ST3GAL4: variants seen among roughly 807,000 people sequenced by gnomAD.
ST3GAL4 encodes CMP-N-acetylneuraminate-beta-galactosamide-alpha-2,3-sialyltransferase 4.
In ST3GAL4, 24 loss-of-function variants were observed where a neutral mutation model predicts 42.6. The observed-to-expected ratio is 0.56, with a 90% CI of 0.41 to 0.79. The LOEUF (loss-of-function observed/expected upper bound fraction) is 0.79. ST3GAL4 is among the 30% of genes least tolerant of loss of function. The pLI, the probability that ST3GAL4 is intolerant of heterozygous loss-of-function variation, is 0.00. For missense variants in ST3GAL4, 311 were observed against 430.8 expected, an observed-to-expected ratio of 0.72 and a Z score of 2.46; for synonymous variants, 135 against 163.2, an observed-to-expected ratio of 0.83 and a Z score of 1.32.
In ST3GAL4 at chr11:126,383,623, G is replaced by A. The variant is rs1449635771; in HGVS notation, c.-60-22473G>A. 1.3e-5 allele frequency among the ~76,000 whole-genome samples: 2 copies of A among 152,178 alleles called. No individual in the cohort carries two copies. Among genetic ancestry groups the A allele is most frequent in the South Asian group, 2.1e-4 (1 of 4,832 alleles). ...TGTGACCAAGCTTGCGGGCGCCTGAGTATGGACTAGTGTGTTTGTGCTGGA... is the reference window on the plus strand; with the variant it reads ...TGTGACCAAGCTTGCGGGCGCCTGAATATGGACTAGTGTGTTTGTGCTGGA... On this transcript the variant is annotated intron_variant, in intron 1 of 10. Coordinates refer to ENST00000444328, the MANE Select transcript of ST3GAL4 (RefSeq NM_001254757.2). This position sits in a 1 kb window ranked among gnomAD's most constrained non-coding sequence, Gnocchi z 4.5.
In ST3GAL4 at chr11:126,398,543, G is replaced by A. The variant is rs1048673071; in HGVS notation, c.-60-7553G>A. 6.6e-6 allele frequency among the ~76,000 whole-genome samples: 1 copy of A among 152,198 alleles called. No homozygotes were observed. Among genetic ancestry groups the A allele is most frequent in the African/African-American group, 2.4e-5 (1 of 41,442 alleles). ...ACACTGGTAGCTCTGCAGTTCTGGG[G>A]TGTCAGGATGGCCTTACTCCCACAG... On this transcript the variant is annotated intron_variant, in intron 1 of 10. Coordinates refer to ENST00000444328, the MANE Select transcript of ST3GAL4 (RefSeq NM_001254757.2). The surrounding 1 kb of genome is among the most constrained non-coding windows in gnomAD (Gnocchi z 4.7).
chr11:126,368,797 C>T (rs534394668), intron 1 of ST3GAL4, among the ~76,000 whole-genome samples: 14 of 152,360 alleles, frequency 9.2e-5, no homozygotes, highest in Non-Finnish European at 1.9e-4. Flanking sequence ...GGCCTTTGCA[C>T]GCTCAGATCT....
chr11:126,386,096 C>A lies in ST3GAL4; in HGVS notation c.-60-20000C>A, dbSNP rs534754497. On this transcript the variant is annotated intron_variant, in intron 1 of 10. Coordinates refer to ENST00000444328, the MANE Select transcript of ST3GAL4 (RefSeq NM_001254757.2). This position sits in a 1 kb window ranked among gnomAD's most constrained non-coding sequence, Gnocchi z 4.7. ...CAGTCTGGAACCTTCTCTTGCCTAC[C>A]CCATCTTCCCATGGCTGCCCTTCAT... Among the ~76,000 whole-genome samples the A allele has an allele frequency of 2.0e-5, 3 of 152,292 alleles. No homozygotes were observed. The highest frequency in any genetic ancestry group is 7.2e-5 in the African/African-American group (3 of 41,562).
chr11:126,407,556 G>A lies in ST3GAL4; in HGVS notation c.281-18G>A, dbSNP rs748387666. 6 of 1,614,062 alleles carry A rather than the reference G, an allele frequency of 3.7e-6. No homozygotes were observed. The highest frequency in any genetic ancestry group is 2.2e-5 in the South Asian group (2 of 91,090). The stretch of plus-strand genomic sequence containing the variant: ...TGCTATCTGTCACATCAGTCCCTCC[G>A]CCTGGTACTTTTTGTAGAGGATCTG... On this transcript the variant is annotated intron_variant, in intron 5 of 10. Coordinates refer to ENST00000444328, the MANE Select transcript of ST3GAL4 (RefSeq NM_001254757.2).
At position 126,391,338 on chromosome 11, in the gene ST3GAL4, T is replaced by C. The variant is rs1369494382; in HGVS notation, c.-60-14758T>C. On this transcript the variant is annotated intron_variant, in intron 1 of 10. Transcript: ENST00000444328. The surrounding 1 kb of genome is among the most constrained non-coding windows in gnomAD (Gnocchi z 5.5). ...TTGATTGCATGCATTATGCCTGACT[T>C]GCTCAAAGCATGATGTCTTGAGCAC... Among the ~76,000 whole-genome samples, 6 of 152,184 alleles carry C rather than the reference T, an allele frequency of 3.9e-5. No individual in the cohort carries two copies. In the East Asian group the frequency reaches 9.6e-4, roughly 24 times the overall value.
intron 1 of ST3GAL4, among the ~76,000 whole-genome samples, chr11:126,370,970 C>T (rs1312405991): frequency 2.0e-5 from 3 of 151,038 alleles, no homozygotes; most frequent in Admixed American, 6.6e-5. Context: ...GCCTGGCCCT[C>T]GTTCTTTTTT....
chr11:126,383,981 C>T lies in ST3GAL4; in HGVS notation c.-60-22115C>T, dbSNP rs1953115570. ...TGGAGGGCTTGCTTTTCCTGCCCAC[C>T]CTCATCTTTGCCGAGTCCTCGTCTG... On this transcript the variant is annotated intron_variant, in intron 1 of 10. Coordinates refer to ENST00000444328, the MANE Select transcript of ST3GAL4 (RefSeq NM_001254757.2). This position sits in a 1 kb window ranked among gnomAD's most constrained non-coding sequence, Gnocchi z 4.5. Among the ~76,000 whole-genome samples, 3 of 152,136 alleles carry T rather than the reference C, an allele frequency of 2.0e-5. No individual in the cohort carries two copies. In the South Asian group the frequency reaches 6.2e-4, roughly 31 times the overall value.
At chr11:126,401,602 C>CAGCAG (rs986457083) in intron 1 of ST3GAL4, among the ~76,000 whole-genome samples, 1 of 144,286 alleles carries the variant, frequency 6.9e-6, no homozygotes, top group Non-Finnish European at 1.6e-5. Flanking sequence ...TGGGCCCCGG[C>CAGCAG]AGCAGAGCCT....
rs1954625250 is a variant in ST3GAL4, at chr11:126,413,639, G to A, written c.906G>A (p.Lys302=). ...TIHYYEQITL[K]SMAGSGHNVS... is the part of the protein sequence containing the mutation. ...ACTACTATGAGCAGATCACGCTCAA[G>A]TCCATGGCGGTAAGTGCCTGGCTTG... Residue 302 remains lysine (K), a synonymous_variant, in exon 10 of 11, where the codon AAG becomes AAA. Coordinates refer to ENST00000444328, the MANE Select transcript of ST3GAL4 (RefSeq NM_001254757.2). The A allele has an allele frequency of 6.2e-7, 1 of 1,614,196 alleles. No individual in the cohort carries two copies. Among genetic ancestry groups the A allele is most frequent in the African/African-American group, 1.3e-5 (1 of 75,068 alleles).
chr11:126,366,186 C>A lies in ST3GAL4; in HGVS notation c.-61+10344C>A, dbSNP rs542933860. ...TGCAAGCTGACAAACAAAGTCTATA[C>A]GAGCCAGAGCTGGGGTGGGAGGAAC... is the stretch of plus-strand genomic sequence containing the variant. On this transcript the variant is annotated intron_variant, in intron 1 of 10. Transcript: ENST00000444328. The surrounding 1 kb of genome is among the most constrained non-coding windows in gnomAD (Gnocchi z 4.2). Among the ~76,000 whole-genome samples, 1 of 152,156 alleles carries A rather than the reference C, an allele frequency of 6.6e-6. No individual in the cohort carries two copies. Among genetic ancestry groups the A allele is most frequent in the Non-Finnish European group, 1.5e-5 (1 of 68,030 alleles).
At position 126,396,285 on chromosome 11, in the gene ST3GAL4, A is replaced by G. The variant is rs903069927; in HGVS notation, c.-60-9811A>G. Among the ~76,000 whole-genome samples the G allele has an allele frequency of 7.2e-5, 11 of 152,022 alleles. No individual in the cohort carries two copies. Among genetic ancestry groups the G allele is most frequent in the Non-Finnish European group, 1.6e-4 (11 of 68,024 alleles). On this transcript the variant is annotated intron_variant, in intron 1 of 10. Transcript: ENST00000444328. This position sits in a 1 kb window ranked among gnomAD's most constrained non-coding sequence, Gnocchi z 5.8. ...CCTGGACAGGCTGTGGAATGTGTGG[A>G]AGCAGGTACAGCCCAGGCCCGCGCT...
intron 8 of ST3GAL4, chr11:126,408,697 A>C: frequency 3.2e-6 from 2 of 620,364 alleles, no homozygotes; most frequent in Non-Finnish European, 5.5e-6. Flanking sequence ...CTGGGTATAA[A>C]AGCCTGCAGG....
At chr11:126,405,955 C>A in intron 1 of ST3GAL4, 141 bp from the exon 2 acceptor site, 3 of 1,004,382 alleles carry the variant, frequency 3.0e-6, no homozygotes, top group South Asian at 1.6e-5. Flanking sequence ...TGAGAAAACT[C>A]ACCCTCAGGA....
chr11:126,407,701 C>A (rs890796451), intron 6 of ST3GAL4, 67 bp downstream of exon 6: 4 of 1,455,832 alleles, frequency 2.7e-6, no homozygotes, highest in South Asian at 1.2e-5. Flanking sequence ...CCGCTCCCCC[C>A]ACTCCCCACC....
chr11:126,380,791 A>G (rs1952967692), intron 1 of ST3GAL4, among the ~76,000 whole-genome samples: 1 of 152,166 alleles, frequency 6.6e-6, no homozygotes. Context: ...TGCCGCATGG[A>G]GCTTCCCTGA....
Position 126,409,516 on chromosome 11 carries a change from G to C in ST3GAL4, c.771+105G>C. 1 of 1,501,502 alleles carries C rather than the reference G, an allele frequency of 6.7e-7. No homozygotes were observed. Among genetic ancestry groups the C allele is most frequent in the Non-Finnish European group, 9.1e-7 (1 of 1,102,170 alleles). 93.0% of individuals were successfully genotyped at this position (1,501,502 alleles called of 1,614,324 possible). A position where few individuals can be genotyped will look rare whatever the true frequency, so the allele number is the denominator to read the frequency against. ...CTGGAAGGATCCCATAACAGAGGCGGCGGTTTGCATTTTCCCTCCAGGAAC... is the reference window on the plus strand; with the variant it reads ...CTGGAAGGATCCCATAACAGAGGCGCCGGTTTGCATTTTCCCTCCAGGAAC... On this transcript the variant is annotated intron_variant, in intron 9 of 10. Coordinates refer to ENST00000444328, the MANE Select transcript of ST3GAL4 (RefSeq NM_001254757.2). This position sits in a 1 kb window ranked among gnomAD's most constrained non-coding sequence, Gnocchi z 4.9.
At chr11:126,401,046 A>G (rs1953969458) in intron 1 of ST3GAL4, among the ~76,000 whole-genome samples, 1 of 152,136 alleles carries the variant, frequency 6.6e-6, no homozygotes, top group Non-Finnish European at 1.5e-5. Context: ...GAGTGAGGAG[A>G]GAGTCCAGCT....
Position 126,411,826 on chromosome 11 carries a change from T to C in ST3GAL4, c.772-1679T>C, listed in dbSNP as rs893787194. ...AGATCCTTTCTGTGCTTCAAATCTC[T>C]GACCTCCGTTTCTGATCTTGACACC... On this transcript the variant is annotated intron_variant, in intron 9 of 10. Transcript: ENST00000444328. The surrounding 1 kb of genome is among the most constrained non-coding windows in gnomAD (Gnocchi z 6.3). Among the ~76,000 whole-genome samples, 4 of 152,074 alleles carry C rather than the reference T, an allele frequency of 2.6e-5. No individual in the cohort carries two copies. The highest frequency in any genetic ancestry group is 7.2e-5 in the African/African-American group (3 of 41,414).
rs551443393 is a variant in ST3GAL4, at chr11:126,371,163, C to CTTT, written c.-61+15338_-61+15340dup. 4.3e-4 allele frequency among the ~76,000 whole-genome samples: 26 copies of CTTT among 59,966 alleles called. 3 individuals carry two copies. The highest frequency in any genetic ancestry group is 1.5e-3 in the East Asian group (5 of 3,322). 39.3% of individuals were successfully genotyped at this position (59,966 alleles called of 152,430 possible). ...ATCTATTCTATTCTTCCCCACATTC[C>CTTT]TTTTTTTTTTTTTTTTTTTGAGATG... On this transcript the variant is annotated intron_variant, in intron 1 of 10. Coordinates refer to ENST00000444328, the MANE Select transcript of ST3GAL4 (RefSeq NM_001254757.2).
Sources: gnomAD v4.1 joint callset for allele counts (sites outside exome capture counted in the v4.1 genomes callset) on GRCh38, gnomAD v4.1.1 for gene constraint, Gnocchi (gnomAD v3.1) non-coding constraint, MANE v1.5 for transcripts, NCBI Gene and HGNC (gene_info 2026-07-23, HGNC 2026-07-21) for gene names.